The following PCDH9 variants were observed in gnomAD, a reference collection of about 807,000 sequenced individuals.
PCDH9 encodes protocadherin 9.
PCDH9 carries 24 observed loss-of-function variants against 70.6 expected under a neutral mutation model. The observed-to-expected ratio is 0.34, with a 90% confidence interval of 0.25 to 0.48. PCDH9 has a LOEUF of 0.48. Ranked by LOEUF, PCDH9 falls within the 20% of genes least tolerant of loss-of-function variation. The pLI is 0.99. For synonymous variants in PCDH9, 562 were observed against 558.5 expected, an observed-to-expected ratio of 1.01 and a Z score of -0.09; for missense variants, 1,281 against 1,503.6, an observed-to-expected ratio of 0.85 and a Z score of 2.45.
chr13:66,679,631 A>G (rs1215219177), intron 3 of PCDH9, among the ~76,000 whole-genome samples: 2 of 151,962 alleles, frequency 1.3e-5, no homozygotes, highest in African/African-American at 4.8e-5. Flanking sequence ...ACCTTTTTGT[A>G]TGAATATAGC....
chr13:67,196,778 T>C (rs759871557), intron 2 of PCDH9, among the ~76,000 whole-genome samples: 17 of 152,034 alleles, frequency 1.1e-4, no homozygotes, highest in Non-Finnish European at 1.8e-4. Context: ...CCCAAAATCC[T>C]ACCTAAGCCA....
At chr13:66,305,295 A>G (rs1955445652) in intron 4 of PCDH9, among the ~76,000 whole-genome samples, 1 of 152,066 alleles carries the variant, frequency 6.6e-6, no homozygotes, top group African/African-American at 2.4e-5. Context: ...ATAGATAAAA[A>G]GACAGATATG....
At chr13:66,609,954 C>CTTTTTTT (rs11333407) in intron 4 of PCDH9, among the ~76,000 whole-genome samples, 1,777 of 116,992 alleles carry the variant, frequency 0.015, 53 homozygotes, top group African/African-American at 0.052. Context: ...GCATTTCCTT[C>CTTTTTTT]TTTTTTTTTT....
At chr13:67,042,843 C>A (rs2085148880) in intron 2 of PCDH9, among the ~76,000 whole-genome samples, 2 of 151,800 alleles carry the variant, frequency 1.3e-5, no homozygotes, top group Non-Finnish European at 2.9e-5. Context: ...CTATGAGAAC[C>A]CTGTAGAGAA....
intron 4 of PCDH9, among the ~76,000 whole-genome samples, chr13:66,621,955 C>T (rs1005651101): frequency 2.6e-5 from 4 of 152,228 alleles, no homozygotes; most frequent in African/African-American, 9.6e-5. Flanking sequence ...GAGGAAGAAG[C>T]GCCAGCGGGA....
chr13:67,153,803 C>T (rs2087724570), intron 2 of PCDH9, among the ~76,000 whole-genome samples: 1 of 152,166 alleles, frequency 6.6e-6, no homozygotes, highest in Non-Finnish European at 1.5e-5. Flanking sequence ...TGAAATAATA[C>T]ATTTACAGTC....
chr13:66,421,887 C>T (rs1957574529), intron 4 of PCDH9, among the ~76,000 whole-genome samples: 1 of 152,148 alleles, frequency 6.6e-6, no homozygotes, highest in East Asian at 1.9e-4. Context: ...AGTCAAGACC[C>T]ATCGGTGTGC....
chr13:67,177,425 C>A (rs1018227278), intron 2 of PCDH9, among the ~76,000 whole-genome samples: 2 of 152,032 alleles, frequency 1.3e-5, no homozygotes, highest in African/African-American at 4.8e-5. Context: ...TGAAATTTAT[C>A]TCCCAAGAGG....
At chr13:66,998,282 C>A (rs957235704) in intron 2 of PCDH9, among the ~76,000 whole-genome samples, 2 of 152,100 alleles carry the variant, frequency 1.3e-5, no homozygotes, top group African/African-American at 2.4e-5. Context: ...TTAAGGAGTT[C>A]TTGGAATTGA....
chr13:67,192,365 C>T (rs1256410814), intron 2 of PCDH9, among the ~76,000 whole-genome samples: 2 of 152,252 alleles, frequency 1.3e-5, no homozygotes, highest in South Asian at 2.1e-4. Context: ...ATTTGAGACA[C>T]TTCTTCAAAG....
intron 3 of PCDH9, among the ~76,000 whole-genome samples, chr13:66,661,198 C>A (rs182421190): frequency 3.7e-4 from 56 of 152,204 alleles, no homozygotes. Flanking sequence ...GATGAAGAAC[C>A]TTATTTCTTA....
chr13:66,645,927 T>C (rs2077765211), intron 3 of PCDH9, among the ~76,000 whole-genome samples: 1 of 152,160 alleles, frequency 6.6e-6, no homozygotes, highest in East Asian at 1.9e-4. Context: ...AGTCTTCCAG[T>C]AAGGGATATA....
At chr13:66,937,090 A>T (rs1325199933) in intron 2 of PCDH9, among the ~76,000 whole-genome samples, 2 of 152,214 alleles carry the variant, frequency 1.3e-5, no homozygotes, top group Non-Finnish European at 2.9e-5. Context: ...CAGTTTTATT[A>T]TCTACCTTGA....
At chr13:66,775,186 G>A (rs933786992) in intron 3 of PCDH9, among the ~76,000 whole-genome samples, 2 of 152,138 alleles carry the variant, frequency 1.3e-5, no homozygotes, top group African/African-American at 4.8e-5. Context: ...AATAGAAAGT[G>A]GGATAAAGAG....
At chr13:66,700,923 AATATATATATAT>A (rs58852431) in intron 3 of PCDH9, among the ~76,000 whole-genome samples, 5,794 of 58,398 alleles carry the variant, frequency 0.099, 269 homozygotes, top group African/African-American at 0.14. Flanking sequence ...TGTACATATA[AATATATATATAT>A]ATATATATAT....
chr13:67,146,850 A>T (rs1342950609), intron 2 of PCDH9, among the ~76,000 whole-genome samples: 1 of 152,170 alleles, frequency 6.6e-6, no homozygotes, highest in Non-Finnish European at 1.5e-5. Context: ...TTTTTTCTGA[A>T]CATTTTCGTA....
At chr13:66,738,715 T>C (rs1175683612) in intron 3 of PCDH9, among the ~76,000 whole-genome samples, 1 of 150,284 alleles carries the variant, frequency 6.7e-6, no homozygotes, top group Non-Finnish European at 1.5e-5. Flanking sequence ...CAGGAGCCGA[T>C]GAGATCAACT....
At chr13:67,116,275 A>G (rs535961525) in intron 2 of PCDH9, among the ~76,000 whole-genome samples, 1 of 152,200 alleles carries the variant, frequency 6.6e-6, no homozygotes, top group Non-Finnish European at 1.5e-5. Context: ...CAGTGAAAGC[A>G]TTATATTATC....
intron 3 of PCDH9, among the ~76,000 whole-genome samples, chr13:66,677,441 A>T (rs1193515901): frequency 6.6e-6 from 1 of 152,068 alleles, no homozygotes; most frequent in African/African-American, 2.4e-5. Context: ...TATAGTTTGG[A>T]TATTTGTCCC....
Sources: allele counts gnomAD v4.1 joint callset (sites outside exome capture counted in the v4.1 genomes callset), GRCh38; gene constraint gnomAD v4.1.1; transcripts MANE v1.5; gene names NCBI Gene and HGNC (gene_info 2026-07-23, HGNC 2026-07-21).